Variants in CDH13 observed in about 807,000 individuals in gnomAD.
CDH13 encodes the protein cadherin-13.
A neutral mutation model predicts 63.8 loss-of-function variants in CDH13; 24 were observed. That is an observed-to-expected ratio of 0.38 (90% CI 0.27 to 0.53). CDH13 has a LOEUF of 0.53. Among genes scored for constraint, CDH13 ranks in the 20% least tolerant of loss-of-function variants. The probability of loss-of-function intolerance (pLI) is 0.85; values close to 1 mark genes in which losing one functional copy is unlikely to be tolerated. For synonymous variants in CDH13, 503 were observed against 355.3 expected, an observed-to-expected ratio of 1.42 and a Z score of -4.67; for missense variants, 1,049 against 903.1, an observed-to-expected ratio of 1.16 and a Z score of -2.07.
At chr16:83,408,282 C>G (rs921453646) in intron 6 of CDH13, among the ~76,000 whole-genome samples, 1 of 152,190 alleles carries the variant, frequency 6.6e-6, no homozygotes, top group Non-Finnish European at 1.5e-5. Context: ...TACACATATT[C>G]ACACAAACCA....
At chr16:83,342,736 T>C (rs1253651870) in intron 5 of CDH13, among the ~76,000 whole-genome samples, 1 of 152,090 alleles carries the variant, frequency 6.6e-6, no homozygotes, top group Non-Finnish European at 1.5e-5. Context: ...TCTGATTACC[T>C]ATCCTACTTG....
At chr16:83,027,902 C>A (rs529207722) in intron 2 of CDH13, among the ~76,000 whole-genome samples, 19 of 152,186 alleles carry the variant, frequency 1.2e-4, no homozygotes, top group Non-Finnish European at 2.6e-4. Context: ...TGTCTGTCTT[C>A]CACATTAGAC....
chr16:83,076,621 T>C lies in CDH13; in HGVS notation c.366+44403T>C, dbSNP rs531660462. Among the ~76,000 whole-genome samples the C allele has an allele frequency of 1.3e-4, 19 of 151,916 alleles. No individual in the cohort carries two copies. In the East Asian group the frequency reaches 3.7e-3, roughly 29 times the overall value. Reference sequence around the variant, plus strand: ...CATTTCCATATACTTGCTTTATATATATAAATATACACATCACACACACAC... The same window carrying C: ...CATTTCCATATACTTGCTTTATATACATAAATATACACATCACACACACAC... On this transcript the variant is annotated intron_variant, in intron 3 of 13. Transcript: ENST00000567109.
chr16:83,061,999 T>C (rs1034191657), intron 3 of CDH13, among the ~76,000 whole-genome samples: 1 of 152,198 alleles, frequency 6.6e-6, no homozygotes, highest in African/African-American at 2.4e-5. Flanking sequence ...TGACAATTTA[T>C]GGAGAATGGG....
intron 5 of CDH13, among the ~76,000 whole-genome samples, chr16:83,287,497 C>G (rs116090110): frequency 6.6e-6 from 1 of 152,126 alleles, no homozygotes; most frequent in East Asian, 1.9e-4. Context: ...GATTCTCATA[C>G]GAGCATGAAC....
intron 2 of CDH13, among the ~76,000 whole-genome samples, chr16:82,910,551 C>T (rs1238618586): frequency 1.3e-5 from 2 of 152,102 alleles, no homozygotes; most frequent in Admixed American, 6.5e-5. Flanking sequence ...TTGCCCAAGC[C>T]TCTGGTGTTA....
At chr16:83,660,384 C>G (rs1913328103) in intron 8 of CDH13, among the ~76,000 whole-genome samples, 1 of 152,128 alleles carries the variant, frequency 6.6e-6, no homozygotes, top group South Asian at 2.1e-4. Flanking sequence ...ACCTAGGTCC[C>G]TCGTGTGTGC....
intron 7 of CDH13, among the ~76,000 whole-genome samples, chr16:83,537,752 A>G (rs2075221933): frequency 6.6e-6 from 1 of 152,220 alleles, no homozygotes; most frequent in African/African-American, 2.4e-5. Context: ...ATTTGAGAAT[A>G]TCACATTTTA....
chr16:83,071,539 G>C (rs1046068539), intron 3 of CDH13, among the ~76,000 whole-genome samples: 3 of 152,162 alleles, frequency 2.0e-5, no homozygotes, highest in Non-Finnish European at 4.4e-5. Context: ...CCCATTAATA[G>C]ACACCTGTCA....
At chr16:83,361,493 A>G (rs979627500) in intron 6 of CDH13, among the ~76,000 whole-genome samples, 2 of 152,120 alleles carry the variant, frequency 1.3e-5, no homozygotes, top group African/African-American at 4.8e-5. Context: ...CTTAGCCATA[A>G]ATTATTTCCC....
chr16:83,553,725 T>G (rs375369159), intron 7 of CDH13, among the ~76,000 whole-genome samples: 1 of 152,136 alleles, frequency 6.6e-6, no homozygotes, highest in African/African-American at 2.4e-5. Flanking sequence ...CTTGGCTAAT[T>G]TTTGTATTTT....
intron 5 of CDH13, among the ~76,000 whole-genome samples, chr16:83,341,040 C>G (rs2090710258): frequency 6.6e-6 from 1 of 152,106 alleles, no homozygotes; most frequent in African/African-American, 2.4e-5. Flanking sequence ...GCCATGCCTA[C>G]CTATTTGTTT....
At chr16:82,983,912 C>T (rs1375756267) in intron 2 of CDH13, among the ~76,000 whole-genome samples, 1 of 152,272 alleles carries the variant, frequency 6.6e-6, no homozygotes, top group South Asian at 2.1e-4. Flanking sequence ...GGAATAATTT[C>T]ATGTAAAGAG....
chr16:82,998,633 G>T (rs539435683), intron 2 of CDH13, among the ~76,000 whole-genome samples: 1 of 151,890 alleles, frequency 6.6e-6, no homozygotes, highest in South Asian at 2.1e-4. Flanking sequence ...CCTTCTCTTG[G>T]GTCATTCTCC....
intron 10 of CDH13, among the ~76,000 whole-genome samples, chr16:83,706,296 A>T (rs1382126912): frequency 6.6e-6 from 1 of 152,176 alleles, no homozygotes; most frequent in Non-Finnish European, 1.5e-5. Context: ...GCCTTTTATG[A>T]TCCAGCCTCA....
intron 8 of CDH13, among the ~76,000 whole-genome samples, chr16:83,624,302 G>T (rs1331665361): frequency 2.0e-5 from 3 of 151,194 alleles, no homozygotes; most frequent in Non-Finnish European, 2.9e-5. Flanking sequence ...TACCCCCTCA[G>T]ACCGGGCATT....
At chr16:83,319,865 T>G (rs1402638197) in intron 5 of CDH13, among the ~76,000 whole-genome samples, 1 of 152,228 alleles carries the variant, frequency 6.6e-6, no homozygotes, top group East Asian at 1.9e-4. Context: ...ACTGTTTCAG[T>G]TCTTCACCTG....
intron 10 of CDH13, among the ~76,000 whole-genome samples, chr16:83,711,868 G>A (rs1908105838): frequency 6.6e-6 from 1 of 152,198 alleles, no homozygotes; most frequent in South Asian, 2.1e-4. Context: ...CTCCAGGGTT[G>A]CCATAACAAA....
intron 2 of CDH13, among the ~76,000 whole-genome samples, chr16:82,985,241 T>G (rs1464058781): frequency 6.6e-6 from 1 of 152,164 alleles, no homozygotes; most frequent in Non-Finnish European, 1.5e-5. Flanking sequence ...TCTGAGACCT[T>G]AGGAGAACTT....
Sources: gnomAD v4.1 joint callset for allele counts (sites outside exome capture counted in the v4.1 genomes callset) on GRCh38, gnomAD v4.1.1 for gene constraint, MANE v1.5 for transcripts, NCBI Gene and HGNC (gene_info 2026-07-23, HGNC 2026-07-21) for gene names.